Variants in LOC128092252 observed in about 807,000 individuals in gnomAD.
At chr15:50,654,521 G>A in the LOC128092252 span, among the ~76,000 whole-genome samples, 2 of 151,334 alleles carry the variant, frequency 1.3e-5, no homozygotes, top group Admixed American at 1.3e-4. Context: ...GACCCTAAAT[G>A]ATGCAAATGT....
chr15:50,660,135 TACG>T, the LOC128092252 span, among the ~76,000 whole-genome samples: 20 of 152,194 alleles, frequency 1.3e-4, no homozygotes, highest in African/African-American at 4.8e-4. Context: ...AGAAATGTGA[TACG>T]ATGTTGTAAT....
the LOC128092252 span, among the ~76,000 whole-genome samples, chr15:50,683,872 CA>C: frequency 5.9e-5 from 9 of 151,978 alleles, no homozygotes; most frequent in African/African-American, 2.2e-4. Flanking sequence ...AGAATCTGAT[CA>C]AGTCTTTTTT....
the LOC128092252 span, among the ~76,000 whole-genome samples, chr15:50,651,289 AGAT>A: frequency 2.6e-5 from 4 of 152,210 alleles, no homozygotes; most frequent in Non-Finnish European, 4.4e-5. Flanking sequence ...GAAAAGAACG[AGAT>A]GATGGAATTA....
At chr15:50,668,276 A>G in the LOC128092252 span, among the ~76,000 whole-genome samples, 1 of 152,230 alleles carries the variant, frequency 6.6e-6, no homozygotes, top group South Asian at 2.1e-4. Context: ...ACAGGAGTTA[A>G]CTTCATGGAC....
chr15:50,667,849 T>C, the LOC128092252 span, among the ~76,000 whole-genome samples: 1 of 152,346 alleles, frequency 6.6e-6, no homozygotes, highest in Non-Finnish European at 1.5e-5. Context: ...ATAAAAATCA[T>C]ACAGGAAGCA....
At chr15:50,672,272 G>C in the LOC128092252 span, among the ~76,000 whole-genome samples, 81,846 of 151,638 alleles carry the variant, frequency 0.54, 22,293 homozygotes, top group Admixed American at 0.62. Context: ...AGGATGTTCT[G>C]GATCTCCTGA....
At chr15:50,650,124 C>T in the LOC128092252 span, among the ~76,000 whole-genome samples, 23 of 134,550 alleles carry the variant, frequency 1.7e-4, no homozygotes, top group Non-Finnish European at 2.5e-4. Context: ...ACCTGGGAGG[C>T]GCAGACCACA....
the LOC128092252 span, among the ~76,000 whole-genome samples, chr15:50,663,521 A>G: frequency 6.6e-6 from 1 of 152,202 alleles, no homozygotes; most frequent in South Asian, 2.1e-4. Flanking sequence ...AATTCCATTT[A>G]AATCCCAAGT....
chr15:50,657,799 A>AGGCAT, the LOC128092252 span: 8 of 1,611,940 alleles, frequency 5.0e-6, no homozygotes, highest in African/African-American at 1.3e-5. Context: ...TTGCTGACAA[A>AGGCAT]TTTGACATCC....
the LOC128092252 span, among the ~76,000 whole-genome samples, chr15:50,654,360 T>G: frequency 6.6e-6 from 1 of 151,138 alleles, no homozygotes; most frequent in Non-Finnish European, 1.5e-5. Flanking sequence ...GGCAGGAGAA[T>G]TGCTTGAACC....
the LOC128092252 span, among the ~76,000 whole-genome samples, chr15:50,679,526 ATATATATATATATT>A: frequency 2.2e-5 from 1 of 46,196 alleles, no homozygotes; most frequent in African/African-American, 1.1e-4. Context: ...ATATATATAT[ATATATATATATATT>A]TTTTTTTTTT....
the LOC128092252 span, among the ~76,000 whole-genome samples, chr15:50,671,310 T>C: frequency 1.3e-5 from 2 of 152,174 alleles, no homozygotes; most frequent in African/African-American, 4.8e-5. Context: ...CCATGTAGTA[T>C]CTTGTCTTTC....
the LOC128092252 span, chr15:50,663,117 A>G: frequency 6.8e-6 from 8 of 1,168,144 alleles, no homozygotes; most frequent in Middle Eastern, 2.0e-4. Flanking sequence ...ATTTCATGAT[A>G]AACACATAAA....
chr15:50,668,842 G>A, the LOC128092252 span, among the ~76,000 whole-genome samples: 3 of 152,076 alleles, frequency 2.0e-5, no homozygotes, highest in Admixed American at 6.6e-5. Flanking sequence ...AGTAAGAATC[G>A]GTTTTCTCTT....
chr15:50,652,810 G>A, the LOC128092252 span, among the ~76,000 whole-genome samples: 1 of 151,974 alleles, frequency 6.6e-6, no homozygotes, highest in Non-Finnish European at 1.5e-5. Flanking sequence ...AGATCAGCTT[G>A]GGTAACAAAA....
chr15:50,682,574 C>T, the LOC128092252 span, among the ~76,000 whole-genome samples: 1 of 145,020 alleles, frequency 6.9e-6, no homozygotes, highest in Non-Finnish European at 1.5e-5. Context: ...GAAACTCCAT[C>T]TCAAAAAAAA....
At chr15:50,655,000 C>CAA in the LOC128092252 span, among the ~76,000 whole-genome samples, 1,378 of 69,316 alleles carry the variant, frequency 0.02, 54 homozygotes, top group African/African-American at 0.069. Context: ...CACTCCGTCT[C>CAA]AAAAAAAAAA....
At chr15:50,673,061 C>T in the LOC128092252 span, among the ~76,000 whole-genome samples, 5 of 151,708 alleles carry the variant, frequency 3.3e-5, no homozygotes, top group Admixed American at 1.3e-4. Flanking sequence ...AGTAAGCTAG[C>T]GTTAATTTAT....
At chr15:50,658,270 G>A in the LOC128092252 span, among the ~76,000 whole-genome samples, 1 of 152,064 alleles carries the variant, frequency 6.6e-6, no homozygotes, top group Admixed American at 6.6e-5. Context: ...CTCCCAAAGT[G>A]CTAGGATTAC....
Sources: allele counts gnomAD v4.1 joint callset (sites outside exome capture counted in the v4.1 genomes callset), GRCh38; gene constraint gnomAD v4.1.1; transcripts MANE v1.5.